Variants in PCDHGA2 observed in about 807,000 individuals in gnomAD.
PCDHGA2 encodes the protein protocadherin gamma subfamily A, 2, also known as protocadherin gamma-A2.
Under a neutral mutation model 59.2 loss-of-function variants are expected in PCDHGA2, and 40 were observed. The ratio of observed to expected loss-of-function variants is 0.68; its 90% confidence interval spans 0.52 to 0.88. PCDHGA2 has a LOEUF of 0.88. Among genes scored for constraint, PCDHGA2 ranks in the 40% least tolerant of loss-of-function variants. The pLI is 0.00. For synonymous variants in PCDHGA2, 560 were observed against 526.0 expected (o/e 1.06, Z -0.89); for missense variants, 1,226 against 1,204.0 (o/e 1.02, Z -0.27).
chr5:141,427,654 T>C (rs2097054872), intron 1 of PCDHGA2: 3 of 727,622 alleles, frequency 4.1e-6, no homozygotes, highest in Non-Finnish European at 7.4e-6. Context: ...TCCTACGTGG[T>C]CCACGTGGCC....
chr5:141,354,371 C>CT (rs1554075239), intron 1 of PCDHGA2, among the ~76,000 whole-genome samples: 8 of 152,186 alleles, frequency 5.3e-5, no homozygotes, highest in African/African-American at 9.6e-5. Flanking sequence ...ACAAGATAGT[C>CT]ATATGCATAG....
chr5:141,422,188 C>T, intron 1 of PCDHGA2: 1 of 1,561,742 alleles, frequency 6.4e-7, no homozygotes. Context: ...GATGGAAATT[C>T]AAGGCCAAGA....
At position 141,414,415 on chromosome 5, in the gene PCDHGA2, C is replaced by T. The variant is rs769791452; in HGVS notation, c.2424+73020C>T. ...TTACAGATTGGTGATACACAGAGCC[C>T]TTGACAGGGAACAGGTATCCTCTTA... On this transcript the variant is annotated intron_variant, in intron 1 of 3. Coordinates refer to ENST00000394576, the MANE Select transcript of PCDHGA2 (RefSeq NM_018915.4). The T allele has an allele frequency of 2.5e-6, 4 of 1,613,758 alleles. No individual in the cohort carries two copies. Among genetic ancestry groups the T allele is most frequent in the Non-Finnish European group, 8.5e-7 (1 of 1,179,880 alleles).
Position 141,431,633 on chromosome 5 carries a change from T to A in PCDHGA2, c.2425-63174T>A. ...TGTGGACGACAAGGCGGCCCAAGTT[T>A]TCAAACTAGATTGTAATTCAGGGAC... On this transcript the variant is annotated intron_variant, in intron 1 of 3. Coordinates refer to ENST00000394576, the MANE Select transcript of PCDHGA2 (RefSeq NM_018915.4). The surrounding 1 kb of genome is among the most constrained non-coding windows in gnomAD (Gnocchi z 4.8). 1 of 1,614,240 alleles carries A rather than the reference T, an allele frequency of 6.2e-7. No individual in the cohort carries two copies. The highest frequency in any genetic ancestry group is 8.5e-7 in the Non-Finnish European group (1 of 1,180,048).
chr5:141,363,134 T>G (rs969653760), intron 1 of PCDHGA2, among the ~76,000 whole-genome samples: 4 of 152,230 alleles, frequency 2.6e-5, no homozygotes, highest in Admixed American at 1.3e-4. Flanking sequence ...CTAGAAAGAG[T>G]GCATTTAACA....
intron 1 of PCDHGA2, chr5:141,395,582 G>T (rs1200378126): frequency 5.5e-6 from 1 of 181,100 alleles, no homozygotes; most frequent in Non-Finnish European, 1.1e-5. Flanking sequence ...GTGTGTGTGT[G>T]TGTGTGTGTA....
chr5:141,409,823 A>G, intron 1 of PCDHGA2: 2 of 1,610,784 alleles, frequency 1.2e-6, no homozygotes, highest in Non-Finnish European at 1.7e-6. Flanking sequence ...CGGCTCGCCC[A>G]CGCTCAGCGC....
At chr5:141,482,033 C>G (rs1185284483) in intron 1 of PCDHGA2, among the ~76,000 whole-genome samples, 1 of 149,194 alleles carries the variant, frequency 6.7e-6, no homozygotes, top group African/African-American at 2.5e-5. Flanking sequence ...TGCAGTGAGC[C>G]AAGATCATGC....
intron 1 of PCDHGA2, chr5:141,350,406 C>A: frequency 6.2e-7 from 1 of 1,601,144 alleles, no homozygotes; most frequent in Non-Finnish European, 8.5e-7. Context: ...GGGAAACTTG[C>A]CAAGGATCTG....
At chr5:141,415,655 T>C (rs780357843) in intron 1 of PCDHGA2, 50 of 1,586,718 alleles carry the variant, frequency 3.2e-5, no homozygotes, top group Non-Finnish European at 4.0e-5. Flanking sequence ...AAAAAAAAGA[T>C]TGGTTTTTAC....
intron 1 of PCDHGA2, chr5:141,420,202 C>T (rs2096476837): frequency 6.2e-7 from 1 of 1,613,136 alleles, no homozygotes. Flanking sequence ...AAGATAACCT[C>T]AACAAAGATA....
intron 1 of PCDHGA2, chr5:141,355,471 G>T (rs1316340611): frequency 6.2e-7 from 1 of 1,614,102 alleles, no homozygotes; most frequent in South Asian, 1.1e-5. Context: ...GGGTAGGATA[G>T]ACAGGGAGGA....
chr5:141,471,006 T>A (rs560578929), intron 1 of PCDHGA2, among the ~76,000 whole-genome samples: 57 of 150,804 alleles, frequency 3.8e-4, no homozygotes, highest in African/African-American at 1.3e-3. Context: ...CATGAGCCAC[T>A]GTGCCTGGTC....
intron 1 of PCDHGA2, among the ~76,000 whole-genome samples, chr5:141,457,415 C>T (rs185690067): frequency 3.9e-4 from 60 of 152,300 alleles, no homozygotes; most frequent in African/African-American, 1.3e-3. Flanking sequence ...CATTACCCAT[C>T]CCTTTTTCCC....
Position 141,339,786 on chromosome 5 carries a change from GCTACTACGC to G in PCDHGA2, c.816_824del (p.Tyr273_Ala275del). ...GTGACCGCCACTGACGCAGATGAGGGCTACTACGCTCAAGTGGTATATTTTCTAGAGAAA... is the reference window on the plus strand; with the variant it reads ...GTGACCGCCACTGACGCAGATGAGGGTCAAGTGGTATATTTTCTAGAGAAA... On this transcript the variant is annotated inframe_deletion, in exon 1 of 4. Transcript: ENST00000394576. 1 of 1,614,200 alleles carries G rather than the reference GCTACTACGC, an allele frequency of 6.2e-7. No individual in the cohort carries two copies. The highest frequency in any genetic ancestry group is 8.5e-7 in the Non-Finnish European group (1 of 1,180,034).
At chr5:141,478,535 C>G (rs1359742091) in intron 1 of PCDHGA2, 1 of 1,607,794 alleles carries the variant, frequency 6.2e-7, no homozygotes, top group Non-Finnish European at 8.5e-7. Flanking sequence ...AGAGAGCGCC[C>G]CTCCCGGACA....
intron 1 of PCDHGA2, chr5:141,375,492 C>G (rs1479166064): frequency 9.9e-6 from 16 of 1,614,008 alleles, no homozygotes; most frequent in Non-Finnish European, 1.4e-5. Context: ...AGGGGTGCCT[C>G]CATCTTCTCT....
intron 1 of PCDHGA2, among the ~76,000 whole-genome samples, chr5:141,464,251 C>T (rs1438610569): frequency 1.4e-5 from 2 of 141,396 alleles, no homozygotes; most frequent in Admixed American, 7.5e-5. Flanking sequence ...GGCTACAGAG[C>T]GAGACTCCGT....
In PCDHGA2 at chr5:141,364,448, G is replaced by C. The variant is rs1458012071; in HGVS notation, c.2424+23053G>C. On this transcript the variant is annotated intron_variant, in intron 1 of 3. Coordinates refer to ENST00000394576, the MANE Select transcript of PCDHGA2 (RefSeq NM_018915.4). ...CCGCTACTCGATGCCGGAGGAGCTGGACAAAGGCTCCTTCGTCGGCAACAT... is the reference window on the plus strand; with the variant it reads ...CCGCTACTCGATGCCGGAGGAGCTGCACAAAGGCTCCTTCGTCGGCAACAT... The C allele has an allele frequency of 3.7e-6, 6 of 1,613,860 alleles. No individual in the cohort carries two copies. The Admixed American group carries it at 8.3e-5, about 22-fold the overall frequency.
Sources: gnomAD v4.1 joint callset for allele counts (sites outside exome capture counted in the v4.1 genomes callset) on GRCh38, gnomAD v4.1.1 for gene constraint, Gnocchi (gnomAD v3.1) non-coding constraint, MANE v1.5 for transcripts, NCBI Gene and HGNC (gene_info 2026-07-23, HGNC 2026-07-21) for gene names.